Variants in AGBL4 observed in about 807,000 individuals in gnomAD.
AGBL4 encodes cytosolic carboxypeptidase 6.
A neutral mutation model predicts 66.4 loss-of-function variants in AGBL4; 58 were observed. The observed-to-expected ratio is 0.87, with a 90% CI of 0.71 to 1.09. The LOEUF is 1.09. Among genes scored for constraint, AGBL4 ranks in the 50% least tolerant of loss-of-function variants. The probability of loss-of-function intolerance (pLI) is 0.00; values close to 1 mark genes in which losing one functional copy is unlikely to be tolerated. For synonymous variants in AGBL4, 234 were observed against 222.9 expected, an observed-to-expected ratio of 1.05 and a Z score of -0.44; for missense variants, 579 against 631.0, an observed-to-expected ratio of 0.92 and a Z score of 0.88.
chr1:49,129,177 G>T (rs1372143308), intron 4 of AGBL4, among the ~76,000 whole-genome samples: 1 of 151,918 alleles, frequency 6.6e-6, no homozygotes, highest in Non-Finnish European at 1.5e-5. Flanking sequence ...CACTAGAATG[G>T]CTACAATTAA....
chr1:49,413,053 A>T (rs1420253087), intron 3 of AGBL4, among the ~76,000 whole-genome samples: 2 of 152,080 alleles, frequency 1.3e-5, no homozygotes, highest in Admixed American at 6.5e-5. Flanking sequence ...AATGCAGTAG[A>T]TTGAAGACTG....
intron 3 of AGBL4, among the ~76,000 whole-genome samples, chr1:49,358,612 T>A (rs1040701456): frequency 2.6e-5 from 4 of 152,116 alleles, no homozygotes; most frequent in Admixed American, 6.5e-5. Flanking sequence ...CATTTTCCTG[T>A]GAAACAGTTC....
chr1:49,057,063 T>C (rs191230843), intron 4 of AGBL4, among the ~76,000 whole-genome samples: 18 of 152,292 alleles, frequency 1.2e-4, no homozygotes, highest in Admixed American at 2.0e-4. Context: ...AGCTTCCTTT[T>C]TCCTACTCTT....
At chr1:49,618,480 C>G (rs1645293652) in intron 3 of AGBL4, among the ~76,000 whole-genome samples, 1 of 131,872 alleles carries the variant, frequency 7.6e-6, no homozygotes, top group East Asian at 1.9e-4. Flanking sequence ...TAATTAATAG[C>G]CTACTAACCA....
intron 3 of AGBL4, among the ~76,000 whole-genome samples, chr1:49,295,594 A>C (rs1644628276): frequency 6.6e-6 from 1 of 152,224 alleles, no homozygotes; most frequent in Non-Finnish European, 1.5e-5. Flanking sequence ...CTAGGATCAG[A>C]ATCTATTCAG....
intron 2 of AGBL4, among the ~76,000 whole-genome samples, chr1:49,730,003 T>C (rs1249667165): frequency 6.6e-6 from 1 of 152,126 alleles, no homozygotes; most frequent in Non-Finnish European, 1.5e-5. Context: ...TCATTGGTTC[T>C]TTCTGGATAA....
chr1:49,934,902 C>T (rs1003130829), intron 1 of AGBL4, among the ~76,000 whole-genome samples: 22 of 151,994 alleles, frequency 1.4e-4, no homozygotes, highest in African/African-American at 2.4e-4. Context: ...CCAACGTGAG[C>T]GATACAGAAA....
intron 1 of AGBL4, among the ~76,000 whole-genome samples, chr1:49,973,480 C>A (rs865911250): frequency 1.3e-5 from 2 of 151,824 alleles, no homozygotes; most frequent in East Asian, 1.9e-4. Context: ...CAGAAAAATT[C>A]TTTGGGAAAT....
chr1:49,943,192 A>G (rs1421922939), intron 1 of AGBL4, among the ~76,000 whole-genome samples: 2 of 152,192 alleles, frequency 1.3e-5, no homozygotes, highest in African/African-American at 4.8e-5. Flanking sequence ...TGTGAAGAAA[A>G]GGAAATCCTT....
At chr1:49,045,866 A>G (rs988063045) in intron 4 of AGBL4, 66 bp from the exon 5 acceptor site, 18 of 1,293,254 alleles carry the variant, frequency 1.4e-5, no homozygotes, top group Non-Finnish European at 1.8e-5. Flanking sequence ...AAGGTAATAC[A>G]TATAAATCAA....
intron 4 of AGBL4, among the ~76,000 whole-genome samples, chr1:49,229,892 G>T (rs1425609677): frequency 6.6e-6 from 1 of 150,592 alleles, no homozygotes; most frequent in Non-Finnish European, 1.5e-5. Context: ...TGTAGGGAAA[G>T]CAGCTGTCAT....
chr1:49,720,491 C>G (rs1648515613), intron 2 of AGBL4, among the ~76,000 whole-genome samples: 1 of 152,162 alleles, frequency 6.6e-6, no homozygotes, highest in South Asian at 2.1e-4. Context: ...TGCTACATAG[C>G]AGCTATTCTG....
At chr1:49,835,461 G>A (rs1645821734) in intron 2 of AGBL4, among the ~76,000 whole-genome samples, 1 of 152,018 alleles carries the variant, frequency 6.6e-6, no homozygotes. Flanking sequence ...GAGCCTATGT[G>A]TGTCTTTGCA....
intron 6 of AGBL4, among the ~76,000 whole-genome samples, chr1:48,822,082 T>C (rs935689560): frequency 1.3e-5 from 2 of 152,158 alleles, no homozygotes; most frequent in African/African-American, 2.4e-5. Context: ...GACAAAGGTA[T>C]GGAGCAATTG....
chr1:49,857,471 G>A (rs1411747330), intron 1 of AGBL4, among the ~76,000 whole-genome samples: 1 of 151,936 alleles, frequency 6.6e-6, no homozygotes, highest in African/African-American at 2.4e-5. Context: ...TACTTCATAT[G>A]CCAAAACAAA....
chr1:48,770,301 T>C (rs1332175394), intron 6 of AGBL4, among the ~76,000 whole-genome samples: 2 of 152,302 alleles, frequency 1.3e-5, no homozygotes, highest in Admixed American at 1.3e-4. Context: ...AAGGAAAAGG[T>C]AGCTGCTATA....
intron 6 of AGBL4, among the ~76,000 whole-genome samples, chr1:48,753,313 G>C (rs1652051193): frequency 6.6e-6 from 1 of 152,202 alleles, no homozygotes; most frequent in Non-Finnish European, 1.5e-5. Context: ...AAACAAATGT[G>C]TATGAAGTTA....
At chr1:49,548,479 T>C (rs1423818384) in intron 3 of AGBL4, among the ~76,000 whole-genome samples, 1 of 152,200 alleles carries the variant, frequency 6.6e-6, no homozygotes, top group Non-Finnish European at 1.5e-5. Flanking sequence ...AAAGTTTTAA[T>C]CATAAAGTGA....
At chr1:48,950,596 T>C (rs1180327943) in intron 5 of AGBL4, among the ~76,000 whole-genome samples, 1 of 152,068 alleles carries the variant, frequency 6.6e-6, no homozygotes, top group Non-Finnish European at 1.5e-5. Flanking sequence ...TGTTTGAGAG[T>C]CTGATTTTAG....
Sources: allele counts gnomAD v4.1 joint callset (sites outside exome capture counted in the v4.1 genomes callset), GRCh38; gene constraint gnomAD v4.1.1; transcripts MANE v1.5; gene names NCBI Gene and HGNC (gene_info 2026-07-23, HGNC 2026-07-21).